The following TUBGCP6 variants were observed in gnomAD, a reference collection of about 807,000 sequenced individuals.
TUBGCP6 encodes the protein tubulin gamma complex component 6.
TUBGCP6 carries 161 observed loss-of-function variants against 175.8 expected under a neutral mutation model. That is an observed-to-expected ratio of 0.92 (90% CI 0.81 to 1.04). TUBGCP6 has a LOEUF of 1.04. Among genes scored for constraint, TUBGCP6 ranks in the 50% least tolerant of loss-of-function variants. The pLI, the probability that TUBGCP6 is intolerant of heterozygous loss-of-function variation, is 0.00. For synonymous variants in TUBGCP6, 1,173 were observed against 1,030.5 expected, an observed-to-expected ratio of 1.14 and a Z score of -2.65; for missense variants, 2,572 against 2,433.0, an observed-to-expected ratio of 1.06 and a Z score of -1.20.
chr22:50,234,687 C>G (rs1347454178), intron 2 of TUBGCP6, among the ~76,000 whole-genome samples: 2 of 148,908 alleles, frequency 1.3e-5, no homozygotes, highest in Non-Finnish European at 3.0e-5. Flanking sequence ...GCATCTACAC[C>G]CAGGTCCACA....
chr22:50,218,408 GGAGGGCAGAAGGCA>G lies in TUBGCP6; in HGVS notation c.4955-20_4955-7del. 1 of 1,612,788 alleles carries G rather than the reference GGAGGGCAGAAGGCA, an allele frequency of 6.2e-7. No homozygotes were observed. Among genetic ancestry groups the G allele is most frequent in the Non-Finnish European group, 8.5e-7 (1 of 1,179,860 alleles). ...GGCCATGTGGCTCAGCAGGGCTGGC[GGAGGGCAGAAGGCA>G]GAGGGCAGAGGTGAGCGCAGCCTCC... On this transcript the variant is annotated splice_region_variant and splice_polypyrimidine_tract_variant and intron_variant, in intron 22 of 24. Coordinates refer to ENST00000248846, the MANE Select transcript of TUBGCP6 (RefSeq NM_020461.4).
Position 50,229,594 on chromosome 22 carries a change from G to T in TUBGCP6, c.1117-17C>A. ...CTGGGCCGGCTGCACAGGGGCAGAG[G>T]ACACTGGTCACAGAGGCCAGGCACC... On this transcript the variant is annotated splice_polypyrimidine_tract_variant and intron_variant, in intron 3 of 24. Transcript: ENST00000248846. The T allele has an allele frequency of 6.4e-7, 1 of 1,572,414 alleles. No homozygotes were observed.
intron 10 of TUBGCP6, among the ~76,000 whole-genome samples, chr22:50,225,257 C>T (rs1416566067): frequency 6.6e-6 from 1 of 152,148 alleles, no homozygotes; most frequent in East Asian, 1.9e-4. Flanking sequence ...CCCAAGTATC[C>T]CTGCTGCCCA....
At position 50,219,476 on chromosome 22, in the gene TUBGCP6, C is replaced by G; in HGVS notation, c.4316-20G>C. On this transcript the variant is annotated intron_variant, in intron 18 of 24. Transcript: ENST00000248846. The stretch of plus-strand genomic sequence containing the variant: ...GCTCGGCTGCGGGAGATGGAGCACG[C>G]ACGTGCTGGGAACCGGCCAGCCCAG... 6.3e-7 allele frequency: 1 copy of G among 1,591,890 alleles called. No individual in the cohort carries two copies. Among genetic ancestry groups the G allele is most frequent in the African/African-American group, 1.3e-5 (1 of 74,466 alleles).
chr22:50,235,696 C>T (rs1291266961), intron 2 of TUBGCP6, among the ~76,000 whole-genome samples: 1 of 152,206 alleles, frequency 6.6e-6, no homozygotes, highest in Non-Finnish European at 1.5e-5. Flanking sequence ...AATCCCAACA[C>T]TTTGGGAGGC....
chr22:50,226,202 G>T lies in TUBGCP6; in HGVS notation c.1694-13C>A. 6.2e-7 allele frequency: 1 copy of T among 1,614,010 alleles called. No homozygotes were observed. Among genetic ancestry groups the T allele is most frequent in the East Asian group, 2.2e-5 (1 of 44,854 alleles). Reference sequence around the variant, plus strand: ...CAGTACAACTTATCTAAGGTAGGGTGAACACCACGGTGGCCGGCATGGCCA... The same window carrying T: ...CAGTACAACTTATCTAAGGTAGGGTTAACACCACGGTGGCCGGCATGGCCA... On this transcript the variant is annotated splice_polypyrimidine_tract_variant and intron_variant, in intron 8 of 24. Coordinates refer to ENST00000248846, the MANE Select transcript of TUBGCP6 (RefSeq NM_020461.4).
intron 10 of TUBGCP6, among the ~76,000 whole-genome samples, chr22:50,225,033 A>G (rs1216480394): frequency 6.6e-6 from 1 of 150,884 alleles, no homozygotes; most frequent in Admixed American, 6.6e-5. Flanking sequence ...AGGAGGGACC[A>G]GGTGATGGCA....
At chr22:50,235,579 A>T (rs2064768131) in intron 2 of TUBGCP6, among the ~76,000 whole-genome samples, 1 of 152,192 alleles carries the variant, frequency 6.6e-6, no homozygotes, top group Admixed American at 6.5e-5. Flanking sequence ...AGTGGAGTAA[A>T]ATGAGCCATC....
chr22:50,219,570 C>A (rs910764426), intron 18 of TUBGCP6, 74 bp downstream of exon 18: 1 of 1,592,978 alleles, frequency 6.3e-7, no homozygotes, highest in Non-Finnish European at 8.6e-7. Flanking sequence ...TCCGCCCCAA[C>A]CCACAGGAGG....
At position 50,229,471 on chromosome 22, in the gene TUBGCP6, G is replaced by A. The variant is rs371357025; in HGVS notation, c.1223C>T (p.Thr408Met). ...SEVAEYGTCYTRLSHFSLQPV... is the reference protein window; with the variant it reads ...SEVAEYGTCYMRLSHFSLQPV... ...CTGCAGAGAGAAATGACTCAGGCGC[G>A]TGTAGCAGGTCCCATACTCGGCCAC... Residue 408 changes from threonine to methionine, a missense_variant, in exon 4 of 25, where the codon ACG (threonine) becomes ATG (methionine). Physicochemically the swap from Thr to Met is moderately conservative, Grantham distance 81 (BLOSUM62 -1). Transcript: ENST00000248846. The A allele has an allele frequency of 1.0e-4, 169 of 1,612,924 alleles. No homozygotes were observed. Among genetic ancestry groups the A allele is most frequent in the South Asian group, 1.4e-4 (13 of 90,882 alleles).
intron 13 of TUBGCP6, 87 bp from the exon 14 acceptor site, chr22:50,222,679 T>G: frequency 6.4e-7 from 1 of 1,558,012 alleles, no homozygotes; most frequent in Non-Finnish European, 8.7e-7. Flanking sequence ...TGGTTCTCCA[T>G]AACAGAGGCC....
Position 50,218,805 on chromosome 22 carries a change from G to A in TUBGCP6, c.4719C>T (p.Asp1573=), listed in dbSNP as rs754165072. The part of the protein sequence containing the change: ...SKALQCSLHG[D]TPHASNLSLA... Reference sequence around the variant, plus strand: ...GGGAGAGGTTGGAGGCGTGCGGGGTGTCCCCATGCAGGCTGCACTGCAGGG... The same window carrying A: ...GGGAGAGGTTGGAGGCGTGCGGGGTATCCCCATGCAGGCTGCACTGCAGGG... Residue 1573 remains aspartate, a synonymous_variant, in exon 21 of 25, where the codon GAC becomes GAT. Coordinates refer to ENST00000248846, the MANE Select transcript of TUBGCP6 (RefSeq NM_020461.4). 3.1e-6 allele frequency: 5 copies of A among 1,614,130 alleles called. No homozygotes were observed. The highest frequency in any genetic ancestry group is 4.2e-6 in the Non-Finnish European group (5 of 1,180,008).
rs200828203 is a variant in TUBGCP6, at chr22:50,221,219, C to T, written c.3140G>A (p.Arg1047Gln). The T allele has an allele frequency of 1.9e-5, 31 of 1,614,120 alleles. No individual in the cohort carries two copies. Among genetic ancestry groups the T allele is most frequent in the South Asian group, 7.7e-5 (7 of 91,078 alleles). ...GTGCCCGTGGGTGTTCCACCGTGGCCGGGTGGGAGCTATTTCAGAAGCGTA... is the reference window on the plus strand; with the variant it reads ...GTGCCCGTGGGTGTTCCACCGTGGCTGGGTGGGAGCTATTTCAGAAGCGTA... ...GDYASEIAPTRPRWNTHGHVS... is the reference protein window; with the variant it reads ...GDYASEIAPTQPRWNTHGHVS... Residue 1047 changes from arginine (R) to glutamine (Q), a missense_variant, in exon 16 of 25, where the codon CGG becomes CAG. Transcript: ENST00000248846.
intron 5 of TUBGCP6, 85 bp downstream of exon 5, chr22:50,227,822 G>A: frequency 1.3e-6 from 2 of 1,513,948 alleles, no homozygotes; most frequent in Non-Finnish European, 1.8e-6. Context: ...CTCCTTGCCA[G>A]GGAGCAGGGC....
chr22:50,231,683 C>G (rs1460775559), intron 3 of TUBGCP6, among the ~76,000 whole-genome samples: 2 of 151,416 alleles, frequency 1.3e-5, no homozygotes, highest in Non-Finnish European at 2.9e-5. Context: ...CATGGTGAAA[C>G]CCCGTCTCTA....
At chr22:50,238,498 C>T (rs1198365749) in intron 2 of TUBGCP6, among the ~76,000 whole-genome samples, 1 of 149,550 alleles carries the variant, frequency 6.7e-6, no homozygotes, top group Non-Finnish European at 1.5e-5. Context: ...TATTAGCAGA[C>T]ATGTACAGAA....
At position 50,221,178 on chromosome 22, in the gene TUBGCP6, T is replaced by C. The variant is rs767368946; in HGVS notation, c.3181A>G (p.Ile1061Val). Reference protein sequence around the residue: ...NTHGHVSDASIRVGENVSDVA... With the variant: ...NTHGHVSDASVRVGENVSDVA... ...TCTGACACATTCTCCCCGACCCTGA[T>C]GCTGGCGTCAGACACGTGCCCGTGG... The change falls in exon 16 of 25, where the codon ATC (isoleucine) becomes GTC (valine). Residue 1061 changes from isoleucine to valine, a missense_variant. By Grantham distance (29) the Ile-to-Val change is conservative (BLOSUM62 3). Transcript: ENST00000248846. 6.2e-7 allele frequency: 1 copy of C among 1,608,090 alleles called. No homozygotes were observed. Among genetic ancestry groups the C allele is most frequent in the Admixed American group, 1.7e-5 (1 of 59,668 alleles).
chr22:50,238,899 G>A (rs947039611), intron 2 of TUBGCP6, among the ~76,000 whole-genome samples: 6 of 152,180 alleles, frequency 3.9e-5, no homozygotes, highest in Admixed American at 6.5e-5. Context: ...GAAGGCCCTG[G>A]CAGTCAGGAT....
chr22:50,231,313 G>C (rs2064686882), intron 3 of TUBGCP6, among the ~76,000 whole-genome samples: 1 of 151,324 alleles, frequency 6.6e-6, no homozygotes, highest in African/African-American at 2.4e-5. Context: ...AATTAGCCAG[G>C]CGTGGTAGTC....
Sources: gnomAD v4.1 joint callset for allele counts (sites outside exome capture counted in the v4.1 genomes callset) on GRCh38, gnomAD v4.1.1 for gene constraint, MANE v1.5 for transcripts, NCBI Gene and HGNC (gene_info 2026-07-23, HGNC 2026-07-21) for gene names.